ESRRG: variants seen among roughly 807,000 people sequenced by gnomAD.
The protein encoded by ESRRG is estrogen-related receptor gamma.
A neutral mutation model predicts 44.0 loss-of-function variants in ESRRG; 13 were observed. The observed-to-expected ratio is 0.30, with a 90% CI of 0.19 to 0.47. The LOEUF (loss-of-function observed/expected upper bound fraction) is 0.47, where lower values mean the gene tolerates loss of function less well. Ranked by LOEUF, ESRRG falls within the 20% of genes least tolerant of loss-of-function variation. The probability of loss-of-function intolerance (pLI) is 1.00; values close to 1 mark genes in which losing one functional copy is unlikely to be tolerated. For synonymous variants in ESRRG, 215 were observed against 214.6 expected, an observed-to-expected ratio of 1.00 and a Z score of -0.02; for missense variants, 395 against 580.6, an observed-to-expected ratio of 0.68 and a Z score of 3.29.
intron 3 of ESRRG, among the ~76,000 whole-genome samples, chr1:216,586,427 T>C (rs1175228597): frequency 1.3e-5 from 2 of 152,202 alleles, no homozygotes; most frequent in Non-Finnish European, 1.5e-5. Context: ...AAAGCAAAGT[T>C]AAAAGTTTCA....
At chr1:216,957,576 C>A (rs1293370006) in intron 1 of ESRRG, among the ~76,000 whole-genome samples, 2 of 152,036 alleles carry the variant, frequency 1.3e-5, no homozygotes, top group Non-Finnish European at 2.9e-5. Flanking sequence ...CCATGCAATC[C>A]ATTTGACTTT....
chr1:216,563,036 A>G (rs1351963290), intron 5 of ESRRG, among the ~76,000 whole-genome samples: 3 of 152,194 alleles, frequency 2.0e-5, no homozygotes, highest in Non-Finnish European at 4.4e-5. Context: ...TTCTTCTTTT[A>G]TATGTAGTAA....
At chr1:217,090,332 C>A (rs908874780), upstream of ESRRG, 2 of 152,148 alleles carry the variant, frequency 1.3e-5, no homozygotes, top group African/African-American at 4.8e-5. Context: ...GAAGAGCCCC[C>A]TCAGCCCGAA....
rs1262668126 is a variant in ESRRG at position 216,987,378 on chromosome 1, A to G, written c.-105-47705T>C. ...CAGGGACTCCAAGGGGAGAACAGTC[A>G]TTGCTGCTGCCTGGTTCAGCTTCCC... On this transcript the variant is annotated intron_variant, in intron 1 of 7. Transcript: ENST00000359162. 2.0e-5 allele frequency among the ~76,000 whole-genome samples: 3 copies of G among 152,194 alleles called. No homozygotes were observed. In the East Asian group the frequency reaches 5.8e-4, roughly 29 times the overall value.
chr1:216,752,277 A>T (rs570015983), intron 2 of ESRRG, among the ~76,000 whole-genome samples: 2 of 152,270 alleles, frequency 1.3e-5, no homozygotes, highest in African/African-American at 4.8e-5. Flanking sequence ...TTCTAGCTGT[A>T]TAAGAAATTT....
At chr1:216,774,747 T>C (rs912634364) in intron 2 of ESRRG, among the ~76,000 whole-genome samples, 6 of 150,800 alleles carry the variant, frequency 4.0e-5, no homozygotes, top group African/African-American at 9.7e-5. Context: ...AAAAGGAATA[T>C]AGAAACAATT....
At chr1:216,699,365 C>T (rs2080934441) in intron 1 of ESRRG, among the ~76,000 whole-genome samples, 1 of 152,176 alleles carries the variant, frequency 6.6e-6, no homozygotes, top group Non-Finnish European at 1.5e-5. Context: ...CATTCTTAGA[C>T]TTCCAACATG....
intron 3 of ESRRG, among the ~76,000 whole-genome samples, chr1:216,585,669 C>T (rs529854328): frequency 6.6e-6 from 1 of 152,036 alleles, no homozygotes; most frequent in Non-Finnish European, 1.5e-5. Flanking sequence ...TTGAATAAGG[C>T]AACATAAACA....
chr1:217,076,582 C>T (rs1441151779), intron 1 of ESRRG, among the ~76,000 whole-genome samples: 1 of 152,174 alleles, frequency 6.6e-6, no homozygotes, highest in East Asian at 1.9e-4. Flanking sequence ...CACAGCACTT[C>T]TCACAGTATC....
intron 1 of ESRRG, among the ~76,000 whole-genome samples, chr1:216,680,662 A>G (rs1469620587): frequency 3.9e-5 from 6 of 152,192 alleles, no homozygotes; most frequent in Non-Finnish European, 8.8e-5. Flanking sequence ...TTGTCTCCTA[A>G]TTACTACTTA....
chr1:216,546,696 T>A (rs2054609439), intron 5 of ESRRG, among the ~76,000 whole-genome samples: 1 of 151,690 alleles, frequency 6.6e-6, no homozygotes, highest in Admixed American at 6.6e-5. Flanking sequence ...AAAAAAAAAA[T>A]CAGGTTGAAA....
At chr1:216,524,763 T>C (rs896132382) in intron 5 of ESRRG, among the ~76,000 whole-genome samples, 1 of 152,190 alleles carries the variant, frequency 6.6e-6, no homozygotes, top group African/African-American at 2.4e-5. Flanking sequence ...TACATATTCC[T>C]AAAATCTAAA....
chr1:216,927,357 G>C lies in ESRRG; in HGVS notation c.-14+12225C>G, dbSNP rs187770905. Reference sequence around the variant, plus strand: ...ACTACAAGGGAGGGAGCCTGAAGACGGCCCCTCACCACCCTGAAGGGCAAG... The same window carrying C: ...ACTACAAGGGAGGGAGCCTGAAGACCGCCCCTCACCACCCTGAAGGGCAAG... On this transcript the variant is annotated intron_variant, in intron 2 of 7. Coordinates refer to the ESRRG transcript ENST00000359162. Among the ~76,000 whole-genome samples, 11 of 152,214 alleles carry C rather than the reference G, an allele frequency of 7.2e-5. No individual in the cohort carries two copies. The East Asian group carries it at 2.1e-3, about 30-fold the overall frequency.
At chr1:216,576,767 G>A (rs912370520) in intron 3 of ESRRG, among the ~76,000 whole-genome samples, 1 of 151,998 alleles carries the variant, frequency 6.6e-6, no homozygotes, top group African/African-American at 2.4e-5. Context: ...CCAGGGGTAA[G>A]GTTGCTTCAT....
chr1:216,631,448 T>G (rs1177906394), intron 3 of ESRRG, among the ~76,000 whole-genome samples: 1 of 152,200 alleles, frequency 6.6e-6, no homozygotes, highest in Non-Finnish European at 1.5e-5. Flanking sequence ...TTTTTGTGTG[T>G]GACTAAGATG....
At chr1:216,659,801 C>T (rs984134512) in intron 2 of ESRRG, among the ~76,000 whole-genome samples, 3 of 152,176 alleles carry the variant, frequency 2.0e-5, no homozygotes, top group African/African-American at 4.8e-5. Context: ...GCACTTAACA[C>T]ACTTTATTAT....
chr1:216,869,758 C>T (rs2096233007), intron 2 of ESRRG, among the ~76,000 whole-genome samples: 1 of 151,850 alleles, frequency 6.6e-6, no homozygotes, highest in African/African-American at 2.4e-5. Context: ...AGCAATAGAT[C>T]CTGGAAATAT....
At chr1:216,954,262 T>A (rs1161548577) in intron 1 of ESRRG, among the ~76,000 whole-genome samples, 1 of 151,794 alleles carries the variant, frequency 6.6e-6, no homozygotes, top group African/African-American at 2.4e-5. Flanking sequence ...CTCAACATAT[T>A]AAAAAAAATA....
intron 1 of ESRRG, among the ~76,000 whole-genome samples, chr1:216,956,688 G>A (rs2068020599): frequency 6.6e-6 from 1 of 152,160 alleles, no homozygotes; most frequent in South Asian, 2.1e-4. Flanking sequence ...TAGGTATAAT[G>A]TCATTGTGTA....
Sources: gnomAD v4.1 joint callset for allele counts (sites outside exome capture counted in the v4.1 genomes callset) on GRCh38, gnomAD v4.1.1 for gene constraint, MANE v1.5 for transcripts, NCBI Gene and HGNC (gene_info 2026-07-23, HGNC 2026-07-21) for gene names.